The following CTSC variants were observed in gnomAD, a reference collection of about 807,000 sequenced individuals.
CTSC encodes cathepsin C.
CTSC carries 37 observed loss-of-function variants against 40.9 expected under a neutral mutation model. The observed-to-expected ratio is 0.91, with a 90% CI of 0.70 to 1.19. CTSC has a LOEUF of 1.19. Ranked by LOEUF, CTSC falls within the 50% of genes most tolerant of loss-of-function variation. The pLI is 0.00. For synonymous variants in CTSC, 232 were observed against 207.4 expected (o/e 1.12, Z -1.02); for missense variants, 594 against 567.3 (o/e 1.05, Z -0.48).
chr11:88,331,165 A>C (rs1026027524), intron 2 of CTSC, among the ~76,000 whole-genome samples: 26 of 152,202 alleles, frequency 1.7e-4, no homozygotes, highest in African/African-American at 6.3e-4. Flanking sequence ...CAAGCAATCA[A>C]TTCTGCAGCA....
chr11:88,293,910 G>A lies in CTSC; in HGVS notation c.*96C>T, dbSNP rs1944268446. 2 of 1,356,954 alleles carry A rather than the reference G, an allele frequency of 1.5e-6. No individual in the cohort carries two copies. Among genetic ancestry groups the A allele is most frequent in the Admixed American group, 1.7e-5 (1 of 59,452 alleles). The allele number at this position is 1,356,954 out of a possible 1,614,324, so 84.1% of individuals were successfully genotyped here. A position where few individuals can be genotyped will look rare whatever the true frequency, so the allele number is the denominator to read the frequency against. ...TATCTTCATGGAAATCTATTTGTAA[G>A]CTTCTGAGATTGCTGCTGAAAGTCT... On this transcript the variant is annotated 3_prime_UTR_variant, in exon 7 of 7. Coordinates refer to ENST00000227266, the MANE Select transcript of CTSC (RefSeq NM_001814.6).
At chr11:88,306,577 T>C (rs553234) in intron 4 of CTSC, among the ~76,000 whole-genome samples, 133,370 of 152,170 alleles carry the variant, frequency 0.88, 58,625 homozygotes, top group East Asian at 1. Flanking sequence ...GAAGAGGTAT[T>C]TGAACCCAGA....
intron 2 of CTSC, chr11:88,326,312 T>C (rs1034261150): frequency 8.2e-5 from 133 of 1,613,318 alleles, no homozygotes; most frequent in African/African-American, 6.1e-4. Context: ...GAAGGGACTG[T>C]AGCTGCTAGA....
At position 88,294,036 on chromosome 11, in the gene CTSC, T is replaced by A; in HGVS notation, c.1362A>T (p.Ala454=). 4 of 1,614,082 alleles carry A rather than the reference T, an allele frequency of 2.5e-6. No homozygotes were observed. The highest frequency in any genetic ancestry group is 3.4e-6 in the Non-Finnish European group (4 of 1,180,012). The part of the protein sequence containing the change: ...GTDECAIESI[A]VAATPIPKL ...ATTTAGGAATTGGTGTGGCTGCCACTGCTATGCTCTCAATTGCACACTCAT... is the reference window on the plus strand; with the variant it reads ...ATTTAGGAATTGGTGTGGCTGCCACAGCTATGCTCTCAATTGCACACTCAT... Residue 454 remains alanine (A), a synonymous_variant, in exon 7 of 7, where the codon GCA becomes GCT. Transcript: ENST00000227266.
At chr11:88,305,731 T>C (rs1937625405) in intron 4 of CTSC, among the ~76,000 whole-genome samples, 1 of 152,222 alleles carries the variant, frequency 6.6e-6, no homozygotes. Flanking sequence ...CTCAATTCCA[T>C]CTCCTTATCT....
chr11:88,315,642 C>G (rs990592807), intron 2 of CTSC, among the ~76,000 whole-genome samples: 3 of 152,000 alleles, frequency 2.0e-5, no homozygotes, highest in Non-Finnish European at 4.4e-5. Context: ...CTTACAGGTT[C>G]AAGAGAACAC....
chr11:88,326,299 C>G (rs1938184403), intron 2 of CTSC: 1 of 1,611,260 alleles, frequency 6.2e-7, no homozygotes, highest in African/African-American at 1.3e-5. Flanking sequence ...AATAAAGACT[C>G]CAGAAGGGAC....
At chr11:88,333,516 A>C (rs1938415649) in intron 2 of CTSC, among the ~76,000 whole-genome samples, 1 of 152,228 alleles carries the variant, frequency 6.6e-6, no homozygotes, top group Non-Finnish European at 1.5e-5. Flanking sequence ...TGCATTCCAC[A>C]TGCAATTGAT....
At chr11:88,330,225 T>C (rs904473432) in intron 2 of CTSC, among the ~76,000 whole-genome samples, 1 of 152,204 alleles carries the variant, frequency 6.6e-6, no homozygotes, top group Non-Finnish European at 1.5e-5. Context: ...TTACTCCTTA[T>C]TAGTTTACAT....
At chr11:88,314,078 C>T (rs1937825081) in intron 2 of CTSC, among the ~76,000 whole-genome samples, 1 of 152,162 alleles carries the variant, frequency 6.6e-6, no homozygotes, top group Non-Finnish European at 1.5e-5. Context: ...TTTGTGGACT[C>T]CTGCTCTACT....
At chr11:88,304,175 C>T (rs1209456331) in intron 4 of CTSC, among the ~76,000 whole-genome samples, 1 of 152,114 alleles carries the variant, frequency 6.6e-6, no homozygotes, top group East Asian at 1.9e-4. Context: ...TAACATTTGG[C>T]AAGGAACCTA....
chr11:88,336,238 TAAA>T (rs3079112), intron 1 of CTSC, among the ~76,000 whole-genome samples: 277 of 127,176 alleles, frequency 2.2e-3, no homozygotes, highest in Admixed American at 2.6e-3. Flanking sequence ...AACTCAAATT[TAAA>T]AAAAAAAAAA....
intron 1 of CTSC, among the ~76,000 whole-genome samples, chr11:88,337,143 A>C (rs987737422): frequency 6.6e-5 from 10 of 152,310 alleles, no homozygotes; most frequent in Middle Eastern, 3.4e-3. Flanking sequence ...AGTAATAAAA[A>C]ATAAAAATAA....
rs796959607 is a variant in CTSC at position 88,301,808 on chromosome 11, G to GCACACACACACA, written c.642-1164_642-1163insTGTGTGTGTGTG. On this transcript the variant is annotated intron_variant, in intron 4 of 6. Coordinates refer to ENST00000227266, the MANE Select transcript of CTSC (RefSeq NM_001814.6). ...CATGCACACACACACAAACACACGC[G>GCACACACACACA]CGCACACACACACACACACACACAC... Among the ~76,000 whole-genome samples the GCACACACACACA allele has an allele frequency of 4.2e-5, 5 of 119,476 alleles. No individual in the cohort carries two copies. In the East Asian group the frequency reaches 7.2e-4, roughly 17 times the overall value. 78.4% of individuals were successfully genotyped at this position (119,476 alleles called of 152,430 possible). A position where few individuals can be genotyped will look rare whatever the true frequency, so the allele number is the denominator to read the frequency against.
intron 2 of CTSC, among the ~76,000 whole-genome samples, chr11:88,313,813 C>T (rs1242188834): frequency 6.6e-6 from 1 of 152,152 alleles, no homozygotes; most frequent in East Asian, 1.9e-4. Flanking sequence ...AAAAAATCCT[C>T]AAAGGTATAA....
chr11:88,333,136 T>C (rs893532380), intron 2 of CTSC, among the ~76,000 whole-genome samples: 2 of 152,178 alleles, frequency 1.3e-5, no homozygotes, highest in African/African-American at 4.8e-5. Flanking sequence ...GATGAAAAAA[T>C]AATAAAAGAA....
intron 2 of CTSC, among the ~76,000 whole-genome samples, chr11:88,334,551 A>ATAG (rs1938440611): frequency 6.6e-6 from 1 of 152,222 alleles, no homozygotes; most frequent in Admixed American, 6.5e-5. Context: ...GAAGGACAGC[A>ATAG]TAGTAACTGC....
chr11:88,324,441 G>C (rs891880417), intron 2 of CTSC: 1 of 979,244 alleles, frequency 1.0e-6, no homozygotes, highest in Non-Finnish European at 1.2e-6. Context: ...ATATTCTTTA[G>C]AGCAGGGAAT....
At chr11:88,313,173 G>A (rs758946858) in intron 2 of CTSC, among the ~76,000 whole-genome samples, 4 of 152,138 alleles carry the variant, frequency 2.6e-5, no homozygotes, top group Non-Finnish European at 5.9e-5. Context: ...AGGTTCAAGC[G>A]ATTCTCTTGC....
Sources: allele counts gnomAD v4.1 joint callset (sites outside exome capture counted in the v4.1 genomes callset), GRCh38; gene constraint gnomAD v4.1.1; transcripts MANE v1.5; gene names NCBI Gene and HGNC (gene_info 2026-07-23, HGNC 2026-07-21).